Variants in PRICKLE2 observed in about 807,000 individuals in gnomAD.
PRICKLE2 encodes the protein prickle planar cell polarity protein 2, also known as prickle-like protein 2.
A neutral mutation model predicts 81.4 loss-of-function variants in PRICKLE2; 21 were observed. The observed-to-expected ratio is 0.26, with a 90% confidence interval of 0.18 to 0.37. PRICKLE2 has a LOEUF of 0.37. PRICKLE2 is among the 10% of genes least tolerant of loss of function. PRICKLE2 has a pLI of 1.00. For missense variants in PRICKLE2, 940 were observed against 1,109.0 expected, an observed-to-expected ratio of 0.85 and a Z score of 2.16; for synonymous variants, 456 against 421.5, an observed-to-expected ratio of 1.08 and a Z score of -1.00.
chr3:64,194,614 C>T (rs1385616394), intron 2 of PRICKLE2, among the ~76,000 whole-genome samples: 3 of 152,228 alleles, frequency 2.0e-5, no homozygotes, highest in African/African-American at 7.2e-5. Flanking sequence ...GAGAAATCCT[C>T]TTCATCATCT....
rs59370838 is a variant in PRICKLE2 at position 64,184,035 on chromosome 3, T to C, written c.144+14749A>G. The stretch of plus-strand genomic sequence containing the variant: ...AAATCCAAGGTTTGGGCTTAAGAAT[T>C]TCTGTTCTGTCTTGTTTTGCTTATA... On this transcript the variant is annotated intron_variant, in intron 2 of 7. Coordinates refer to ENST00000638394, the MANE Select transcript of PRICKLE2 (RefSeq NM_198859.4). 9.6e-3 allele frequency among the ~76,000 whole-genome samples: 1,457 copies of C among 152,308 alleles called. 25 individuals carry two copies. Among genetic ancestry groups the C allele is most frequent in the African/African-American group, 0.033 (1,370 of 41,566 alleles).
At chr3:64,178,987 C>CTTTCT (rs2078073071) in intron 2 of PRICKLE2, among the ~76,000 whole-genome samples, 1 of 142,484 alleles carries the variant, frequency 7.0e-6, no homozygotes, top group East Asian at 2.1e-4. Flanking sequence ...TTCTTTCTTT[C>CTTTCT]TTTCTTTCTT....
chr3:64,206,723 A>G (rs1220103222), intron 1 of PRICKLE2, among the ~76,000 whole-genome samples: 1 of 152,236 alleles, frequency 6.6e-6, no homozygotes, highest in African/African-American at 2.4e-5. Context: ...ACTGACAAGG[A>G]ATGCACAACA....
rs774176459 is a variant in PRICKLE2, at chr3:64,153,246, G to A, written c.723C>T (p.Pro241=). The change falls in exon 6 of 8, where the codon CCC becomes CCT. Residue 241 remains proline, a synonymous_variant. Coordinates refer to ENST00000638394, the MANE Select transcript of PRICKLE2 (RefSeq NM_198859.4). The stretch of plus-strand genomic sequence containing the variant: ...AGGACTCGAAGCAGTGGCAACAGTA[G>A]GGTCTTCCCTCCTTCATGATGTAGC... The part of the protein sequence containing the change: ...GQRYIMKEGR[P]YCCHCFESLY... 6.2e-7 allele frequency: 1 copy of A among 1,614,174 alleles called. No individual in the cohort carries two copies. The highest frequency in any genetic ancestry group is 1.1e-5 in the South Asian group (1 of 91,074).
chr3:64,185,352 A>G (rs2078208632), intron 2 of PRICKLE2, among the ~76,000 whole-genome samples: 1 of 152,200 alleles, frequency 6.6e-6, no homozygotes, highest in African/African-American at 2.4e-5. Flanking sequence ...ACAGCCTCCC[A>G]ACTAAGAATT....
intron 2 of PRICKLE2, chr3:64,194,119 G>A (rs1414950517): frequency 6.6e-6 from 1 of 152,004 alleles, no homozygotes; most frequent in African/African-American, 2.4e-5. Context: ...AGTTCTTTTT[G>A]GTTTAGAGAA....
At chr3:64,169,653 A>T (rs902481551) in intron 2 of PRICKLE2, among the ~76,000 whole-genome samples, 1 of 152,210 alleles carries the variant, frequency 6.6e-6, no homozygotes, top group African/African-American at 2.4e-5. Flanking sequence ...CACAAGGTAA[A>T]GGCCAACCCT....
intron 7 of PRICKLE2, among the ~76,000 whole-genome samples, chr3:64,139,506 C>T (rs2077328075): frequency 6.6e-6 from 1 of 152,236 alleles, no homozygotes; most frequent in Admixed American, 6.5e-5. Flanking sequence ...CTGGGCTACA[C>T]AGCCCCAGAT....
intron 7 of PRICKLE2, chr3:64,101,740 G>A (rs1036074425): frequency 1.3e-5 from 2 of 152,318 alleles, no homozygotes; most frequent in African/African-American, 4.8e-5. Flanking sequence ...GCCAGATTTG[G>A]AAAGTCATTT....
chr3:64,226,257 A>G (rs1240792286), upstream of PRICKLE2, among the ~76,000 whole-genome samples: 2 of 152,204 alleles, frequency 1.3e-5, no homozygotes, highest in African/African-American at 2.4e-5. Context: ...CCTAGACCTC[A>G]GATAGAGCTT....
upstream of PRICKLE2, among the ~76,000 whole-genome samples, chr3:64,229,561 T>G (rs1170692589): frequency 1.3e-5 from 2 of 152,146 alleles, no homozygotes; most frequent in African/African-American, 4.8e-5. Flanking sequence ...AGAACTGACA[T>G]GGGTCACTCA....
At chr3:64,245,733 T>A (rs1427590167) in intron 2 of PRICKLE2, among the ~76,000 whole-genome samples, 1 of 152,196 alleles carries the variant, frequency 6.6e-6, no homozygotes, top group East Asian at 1.9e-4. Context: ...AATGGGCAGC[T>A]AAGCATTGTT....
chr3:64,211,429 A>T (rs1175999626), intron 1 of PRICKLE2, among the ~76,000 whole-genome samples: 1 of 152,244 alleles, frequency 6.6e-6, no homozygotes, highest in African/African-American at 2.4e-5. Flanking sequence ...TGTGAAAAAG[A>T]TATTTAAAAG....
intron 7 of PRICKLE2, among the ~76,000 whole-genome samples, chr3:64,135,964 C>T (rs74466591): frequency 0.022 from 3,333 of 152,246 alleles, 39 homozygotes; most frequent in Non-Finnish European, 0.032. Context: ...TTGTTGTCCA[C>T]CTTTTCTGAT....
rs190581987 is a variant in PRICKLE2, at chr3:64,146,481, C to G, written c.1660+349G>C. The G allele has an allele frequency of 2.3e-3, 618 of 269,394 alleles. 4 individuals are homozygous for G. The highest frequency in any genetic ancestry group is 0.012 in the African/African-American group (556 of 45,812). 16.7% of individuals were successfully genotyped at this position (269,394 alleles called of 1,614,324 possible). On this transcript the variant is annotated intron_variant, in intron 7 of 7. Transcript: ENST00000638394. ...GGACCAGGCTGGGCACGGTGGCTCA[C>G]GCCTGTAATCCTACCACTTTGGGAG...
intron 2 of PRICKLE2, among the ~76,000 whole-genome samples, chr3:64,243,666 C>A (rs2079302706): frequency 1.3e-5 from 2 of 152,150 alleles, no homozygotes; most frequent in Non-Finnish European, 1.5e-5. Context: ...GGAGATTATG[C>A]AGATGAAGCC....
intron 2 of PRICKLE2, among the ~76,000 whole-genome samples, chr3:64,255,230 C>T (rs1282196739): frequency 6.6e-6 from 1 of 152,204 alleles, no homozygotes; most frequent in Non-Finnish European, 1.5e-5. Flanking sequence ...TGTGTGCATG[C>T]CTGAGCTTGC....
At position 64,095,240 on chromosome 3, in the gene PRICKLE2, C is replaced by A. The variant is rs979636936; in HGVS notation, c.*3811G>T. 2 of 152,092 alleles carry A rather than the reference C, an allele frequency of 1.3e-5. No individual in the cohort carries two copies. The highest frequency in any genetic ancestry group is 4.8e-5 in the African/African-American group (2 of 41,396). 9.4% of individuals were successfully genotyped at this position (152,092 alleles called of 1,614,324 possible). On this transcript the variant is annotated 3_prime_UTR_variant, in exon 8 of 8. Coordinates refer to ENST00000638394, the MANE Select transcript of PRICKLE2 (RefSeq NM_198859.4). ...AGCCTAAGAAGTCAGCTTCCTCGAG[C>A]CTCCACAACCTGGGATGGGGGAGGG... is the stretch of plus-strand genomic sequence containing the variant.
intron 1 of PRICKLE2, among the ~76,000 whole-genome samples, 157 bp downstream of exon 1, chr3:64,224,753 C>CA (rs1192963747): frequency 1.3e-5 from 2 of 152,042 alleles, no homozygotes; most frequent in East Asian, 3.9e-4. Flanking sequence ...ATAGAAAAGG[C>CA]AAAAGGGGTC....
Sources: allele counts gnomAD v4.1 joint callset (sites outside exome capture counted in the v4.1 genomes callset), GRCh38; gene constraint gnomAD v4.1.1; transcripts MANE v1.5; gene names NCBI Gene and HGNC (gene_info 2026-07-23, HGNC 2026-07-21).